Variants in PRMT6 observed in about 807,000 individuals in gnomAD.
The protein encoded by PRMT6 is protein arginine N-methyltransferase 6.
PRMT6 carries 23 observed loss-of-function variants against 30.5 expected under a neutral mutation model. The ratio of observed to expected loss-of-function variants is 0.75; its 90% CI spans 0.54 to 1.07. PRMT6 has a LOEUF of 1.07. Ranked by LOEUF, PRMT6 falls within the 50% of genes least tolerant of loss-of-function variation. The pLI is 0.00. For missense variants in PRMT6, 528 were observed against 514.3 expected (o/e 1.03, Z -0.26); for synonymous variants, 265 against 228.0 (o/e 1.16, Z -1.46).
In PRMT6 at chr1:107,057,226, C is replaced by T; in HGVS notation, c.511C>T (p.Leu171Phe). The T allele has an allele frequency of 6.2e-7, 1 of 1,613,894 alleles. No homozygotes were observed. Among genetic ancestry groups the T allele is most frequent in the Non-Finnish European group, 8.5e-7 (1 of 1,180,040 alleles). ...GCACGAGTCCATGCTGAGCTCCGTC[C>T]TCCACGCGCGAACCAAGTGGCTGAA... ...LLHESMLSSVLHARTKWLKEG... is the reference protein window; with the variant it reads ...LLHESMLSSVFHARTKWLKEG... The change falls in exon 1 of 1, where the codon CTC becomes TTC. Residue 171 changes from leucine (L) to phenylalanine (F), a missense_variant. Leu to Phe is a conservative substitution (Grantham distance 22, BLOSUM62 0). Transcript: ENST00000370078.
At position 107,057,914 on chromosome 1, in the gene PRMT6, G is replaced by A. The variant is rs1449989527; in HGVS notation, c.*71G>A. On this transcript the variant is annotated 3_prime_UTR_variant, in exon 1 of 1. Transcript: ENST00000370078. ...GTGGGAGAGGCGTAGCGAGGTCGGA[G>A]GGGAAAGGGAGATCCCACGTGCAAG... 6.5e-6 allele frequency: 10 copies of A among 1,548,522 alleles called. No homozygotes were observed. The African/African-American group carries it at 1.1e-4, about 17-fold the overall frequency.
In PRMT6 at chr1:107,058,436, T is replaced by C. The variant is rs559417170; in HGVS notation, c.*593T>C. 5.5e-6 allele frequency: 1 copy of C among 182,612 alleles called. No individual in the cohort carries two copies. Among genetic ancestry groups the C allele is most frequent in the African/African-American group, 2.4e-5 (1 of 41,838 alleles). The allele number at this position is 182,612 out of a possible 1,614,324, so 11.3% of individuals were successfully genotyped here. A position where few individuals can be genotyped will look rare whatever the true frequency, so the allele number is the denominator to read the frequency against. Reference sequence around the variant, plus strand: ...TATGAGGAAGCAGTTTAAATAGCCCTGTTCTCATTACTCTGACCACATACA... The same window carrying C: ...TATGAGGAAGCAGTTTAAATAGCCCCGTTCTCATTACTCTGACCACATACA... On this transcript the variant is annotated 3_prime_UTR_variant, in exon 1 of 1. Coordinates refer to ENST00000370078, the MANE Select transcript of PRMT6 (RefSeq NM_018137.3).
At position 107,057,762 on chromosome 1, in the gene PRMT6, C is replaced by G. The variant is rs1161395686; in HGVS notation, c.1047C>G (p.Asn349Lys). 1 of 1,613,576 alleles carries G rather than the reference C, an allele frequency of 6.2e-7. No homozygotes were observed. The highest frequency in any genetic ancestry group is 8.5e-7 in the Non-Finnish European group (1 of 1,179,742). The change falls in exon 1 of 1, where the codon AAC becomes AAG. Residue 349 changes from asparagine (N) to lysine (K), a missense_variant. Coordinates refer to ENST00000370078, the MANE Select transcript of PRMT6 (RefSeq NM_018137.3). The part of the protein sequence containing the change: ...GEITLLPSRD[N>K]PRRLRVLLRY... ...TCACGCTGCTGCCCTCCCGGGACAA[C>G]CCCCGTCGCCTGCGCGTGCTGCTGC...
rs1248542878 is a variant in PRMT6 at position 107,057,865 on chromosome 1, A to G, written c.*22A>G. 2 of 1,554,804 alleles carry G rather than the reference A, an allele frequency of 1.3e-6. No individual in the cohort carries two copies. Among genetic ancestry groups the G allele is most frequent in the Non-Finnish European group, 8.7e-7 (1 of 1,148,666 alleles). ...CTGAGCGTTGCCTTTTCTCCCAGCT[A>G]CCTCCCAAAGCAGCCTGACCTGCGT... On this transcript the variant is annotated 3_prime_UTR_variant, in exon 1 of 1. Transcript: ENST00000370078.
Position 107,057,112 on chromosome 1 carries a change from G to A in PRMT6, c.397G>A (p.Val133Met). ...VVRFNGLEDR[V>M]HVLPGPVETV... is the part of the protein sequence containing the mutation. Reference sequence around the variant, plus strand: ...GCGGTTCAACGGGCTGGAGGACCGGGTGCACGTCCTGCCGGGACCAGTGGA... The same window carrying A: ...GCGGTTCAACGGGCTGGAGGACCGGATGCACGTCCTGCCGGGACCAGTGGA... Residue 133 changes from valine (V) to methionine (M), a missense_variant, in exon 1 of 1, where the codon GTG (valine) becomes ATG (methionine). Coordinates refer to ENST00000370078, the MANE Select transcript of PRMT6 (RefSeq NM_018137.3). 1 of 1,607,454 alleles carries A rather than the reference G, an allele frequency of 6.2e-7. No homozygotes were observed. The highest frequency in any genetic ancestry group is 8.5e-7 in the Non-Finnish European group (1 of 1,179,842).
rs755253989 is a variant in PRMT6, at chr1:107,057,775, C to T, written c.1060C>T (p.Arg354Cys). The T allele has an allele frequency of 3.1e-6, 5 of 1,612,726 alleles. No homozygotes were observed. The highest frequency in any genetic ancestry group is 4.2e-6 in the Non-Finnish European group (5 of 1,179,300). The change falls in exon 1 of 1, where the codon CGC becomes TGC. Residue 354 changes from arginine (R) to cysteine (C), a missense_variant. Coordinates refer to ENST00000370078, the MANE Select transcript of PRMT6 (RefSeq NM_018137.3). ...CTCCCGGGACAACCCCCGTCGCCTG[C>T]GCGTGCTGCTGCGCTACAAAGTGGG... ...LPSRDNPRRL[R>C]VLLRYKVGDQ...
Position 107,057,481 on chromosome 1 carries a change from C to CT in PRMT6, c.767dup (p.Glu257ArgfsTer163), listed in dbSNP as rs1202767919. 3 of 1,613,052 alleles carry CT rather than the reference C, an allele frequency of 1.9e-6. No homozygotes were observed. Among genetic ancestry groups the CT allele is most frequent in the Non-Finnish European group, 1.7e-6 (2 of 1,179,624 alleles). ...GGCCCGGCCGCAGCGCTTTGCTCAG[C>CT]TAGAGCTCTCCCGCGCCGGCTTGGA... On this transcript the variant is annotated frameshift_variant, in exon 1 of 1. Transcript: ENST00000370078. LOFTEE classifies it high-confidence loss of function.
chr1:107,056,810 C>T lies in PRMT6; in HGVS notation c.95C>T (p.Ala32Val). 1 of 1,590,048 alleles carries T rather than the reference C, an allele frequency of 6.3e-7. No homozygotes were observed. The highest frequency in any genetic ancestry group is 1.1e-5 in the South Asian group (1 of 88,266). Residue 32 changes from alanine to valine, a missense_variant, in exon 1 of 1, where the codon GCC becomes GTC. Coordinates refer to ENST00000370078, the MANE Select transcript of PRMT6 (RefSeq NM_018137.3). ...EEEDGAEREA[A>V]LERPRRTKRE... The stretch of plus-strand genomic sequence containing the variant: ...GAAGATGGCGCGGAGCGGGAGGCGG[C>T]CCTGGAGCGACCCCGGAGGACTAAG...
Position 107,056,905 on chromosome 1 carries a change from C to G in PRMT6, c.190C>G (p.Arg64Gly). The G allele has an allele frequency of 3.1e-6, 5 of 1,612,174 alleles. No homozygotes were observed. The highest frequency in any genetic ancestry group is 1.7e-5 in the Admixed American group (1 of 59,916). ...GGTCCACGAGGAGATGATCGCGGAC[C>G]GCGTCCGCACCGATGCCTACCGCCT... ...VSVHEEMIAD[R>G]VRTDAYRLGI... is the part of the protein sequence containing the mutation. Residue 64 changes from arginine to glycine, a missense_variant, in exon 1 of 1, where the codon CGC becomes GGC. Physicochemically the swap from Arg to Gly is moderately radical, Grantham distance 125 (BLOSUM62 -2). Transcript: ENST00000370078.
chr1:107,058,220 A>G lies in PRMT6; in HGVS notation c.*377A>G, dbSNP rs1651776183. On this transcript the variant is annotated 3_prime_UTR_variant, in exon 1 of 1. Transcript: ENST00000370078. ...GCACATCCCTGACACCTCACACCTT[A>G]TCTAAGTCTGAAGCTGGGGAGAAAG... The G allele has an allele frequency of 3.2e-6, 1 of 315,576 alleles. No individual in the cohort carries two copies. Among genetic ancestry groups the G allele is most frequent in the Middle Eastern group, 1.2e-3 (1 of 834 alleles). The allele number at this position is 315,576 out of a possible 1,614,324, so 19.5% of individuals were successfully genotyped here. A position where few individuals can be genotyped will look rare whatever the true frequency, so the allele number is the denominator to read the frequency against.
In PRMT6 at chr1:107,057,638, C is replaced by G. The variant is rs1335502540; in HGVS notation, c.923C>G (p.Ser308Cys). ...GGESEKPLVL[S>C]TSPFHPATHW... ...GAGTCGGAGAAACCCCTGGTGCTGT[C>G]CACCTCGCCTTTTCACCCGGCCACT... Residue 308 changes from serine (S) to cysteine (C), a missense_variant, in exon 1 of 1, where the codon TCC (serine) becomes TGC (cysteine). Transcript: ENST00000370078. 6.2e-7 allele frequency: 1 copy of G among 1,614,086 alleles called. No individual in the cohort carries two copies. Among genetic ancestry groups the G allele is most frequent in the Non-Finnish European group, 8.5e-7 (1 of 1,180,050 alleles).
chr1:107,057,112 G>T lies in PRMT6; in HGVS notation c.397G>T (p.Val133Leu). 1 of 1,607,454 alleles carries T rather than the reference G, an allele frequency of 6.2e-7. No individual in the cohort carries two copies. The highest frequency in any genetic ancestry group is 8.5e-7 in the Non-Finnish European group (1 of 1,179,842). Residue 133 changes from valine to leucine, a missense_variant, in exon 1 of 1, where the codon GTG becomes TTG. Physicochemically the swap from Val to Leu is conservative, Grantham distance 32. Coordinates refer to ENST00000370078, the MANE Select transcript of PRMT6 (RefSeq NM_018137.3). ...VVRFNGLEDR[V>L]HVLPGPVETV... ...GCGGTTCAACGGGCTGGAGGACCGGGTGCACGTCCTGCCGGGACCAGTGGA... is the reference window on the plus strand; with the variant it reads ...GCGGTTCAACGGGCTGGAGGACCGGTTGCACGTCCTGCCGGGACCAGTGGA...
At position 107,057,312 on chromosome 1, in the gene PRMT6, G is replaced by T. The variant is rs1270304057; in HGVS notation, c.597G>T (p.Gln199His). 1 of 1,614,024 alleles carries T rather than the reference G, an allele frequency of 6.2e-7. No individual in the cohort carries two copies. The highest frequency in any genetic ancestry group is 1.7e-5 in the Admixed American group (1 of 60,026). The change falls in exon 1 of 1, where the codon CAG becomes CAT. Residue 199 changes from glutamine to histidine, a missense_variant. Transcript: ENST00000370078. ...AELFIAPISD[Q>H]MLEWRLGFWS... ...TCTTCATAGCCCCCATCAGCGACCA[G>T]ATGCTGGAATGGCGCCTGGGCTTCT...
In PRMT6 at chr1:107,057,785, T is replaced by C; in HGVS notation, c.1070T>C (p.Leu357Pro). The C allele has an allele frequency of 6.2e-7, 1 of 1,611,206 alleles. No homozygotes were observed. Among genetic ancestry groups the C allele is most frequent in the Non-Finnish European group, 8.5e-7 (1 of 1,178,542 alleles). Residue 357 changes from leucine (L) to proline (P), a missense_variant, in exon 1 of 1, where the codon CTG becomes CCG. Transcript: ENST00000370078. ...RDNPRRLRVL[L>P]RYKVGDQEEK... ...AACCCCCGTCGCCTGCGCGTGCTGC[T>C]GCGCTACAAAGTGGGAGACCAGGAG...
rs987777922 is a variant in PRMT6, at chr1:107,057,102, G to A, written c.387G>A (p.Leu129=). The change falls in exon 1 of 1, where the codon CTG becomes CTA. Residue 129 remains leucine (L), a synonymous_variant. Transcript: ENST00000370078. The stretch of plus-strand genomic sequence containing the variant: ...GGGAGGTGGTGCGGTTCAACGGGCT[G>A]GAGGACCGGGTGCACGTCCTGCCGG... ...QAREVVRFNG[L]EDRVHVLPGP... 3 of 1,607,616 alleles carry A rather than the reference G, an allele frequency of 1.9e-6. No individual in the cohort carries two copies. The African/African-American group carries it at 4.0e-5, about 21-fold the overall frequency.
rs1318982196 is a variant in PRMT6 at position 107,058,074 on chromosome 1, T to C, written c.*231T>C. 1 of 617,150 alleles carries C rather than the reference T, an allele frequency of 1.6e-6. No individual in the cohort carries two copies. The highest frequency in any genetic ancestry group is 3.0e-5 in the Admixed American group (1 of 33,066). The allele number at this position is 617,150 out of a possible 1,614,324, so 38.2% of individuals were successfully genotyped here. A position where few individuals can be genotyped will look rare whatever the true frequency, so the allele number is the denominator to read the frequency against. On this transcript the variant is annotated 3_prime_UTR_variant, in exon 1 of 1. Transcript: ENST00000370078. Reference sequence around the variant, plus strand: ...CTCAACAACGGATACAGCGTGCTTATTATTGGGCATTTAGCCTCAAAAGCA... The same window carrying C: ...CTCAACAACGGATACAGCGTGCTTACTATTGGGCATTTAGCCTCAAAAGCA...
At position 107,057,753 on chromosome 1, in the gene PRMT6, C is replaced by T; in HGVS notation, c.1038C>T (p.Ser346=). The T allele has an allele frequency of 6.2e-7, 1 of 1,613,894 alleles. No homozygotes were observed. Among genetic ancestry groups the T allele is most frequent in the Non-Finnish European group, 8.5e-7 (1 of 1,179,870 alleles). ...DVSGEITLLP[S]RDNPRRLRVL... is the part of the protein sequence containing the mutation. ...CAGGAGAGATCACGCTGCTGCCCTC[C>T]CGGGACAACCCCCGTCGCCTGCGCG... is the stretch of plus-strand genomic sequence containing the variant. Residue 346 remains serine, a synonymous_variant, in exon 1 of 1, where the codon TCC becomes TCT. Coordinates refer to ENST00000370078, the MANE Select transcript of PRMT6 (RefSeq NM_018137.3).
rs1181091821 is a variant in PRMT6 at position 107,057,549 on chromosome 1, C to G, written c.834C>G (p.Ser278Arg). Residue 278 changes from serine (S) to arginine (R), a missense_variant, in exon 1 of 1, where the codon AGC becomes AGG. Physicochemically the swap from Ser to Arg is moderately radical, Grantham distance 110. Coordinates refer to ENST00000370078, the MANE Select transcript of PRMT6 (RefSeq NM_018137.3). ...GAGTGGGCGGGCGCTTCCGCTGCAGCTGCTATGGCTCGGCGCCCATGCATG... is the reference window on the plus strand; with the variant it reads ...GAGTGGGCGGGCGCTTCCGCTGCAGGTGCTATGGCTCGGCGCCCATGCATG... ...EAGVGGRFRC[S>R]CYGSAPMHGF... is the part of the protein sequence containing the mutation. The G allele has an allele frequency of 1.2e-6, 2 of 1,613,850 alleles. No individual in the cohort carries two copies. The highest frequency in any genetic ancestry group is 1.1e-5 in the South Asian group (1 of 91,080).
Position 107,057,561 on chromosome 1 carries a change from G to C in PRMT6, c.846G>C (p.Ser282=), listed in dbSNP as rs768065607. 8 of 1,613,060 alleles carry C rather than the reference G, an allele frequency of 5.0e-6. No individual in the cohort carries two copies. The highest frequency in any genetic ancestry group is 5.9e-6 in the Non-Finnish European group (7 of 1,179,854). Reference sequence around the variant, plus strand: ...GCTTCCGCTGCAGCTGCTATGGCTCGGCGCCCATGCATGGCTTTGCCATCT... The same window carrying C: ...GCTTCCGCTGCAGCTGCTATGGCTCCGCGCCCATGCATGGCTTTGCCATCT... The part of the protein sequence containing the change: ...GGRFRCSCYG[S]APMHGFAIWF... Residue 282 remains serine, a synonymous_variant, in exon 1 of 1, where the codon TCG becomes TCC. Transcript: ENST00000370078.
Sources: allele counts gnomAD v4.1 joint callset, GRCh38; gene constraint gnomAD v4.1.1; transcripts MANE v1.5; gene names NCBI Gene and HGNC (gene_info 2026-07-23, HGNC 2026-07-21).